Variants in CTNNA2 observed in about 807,000 individuals in gnomAD.
CTNNA2 encodes catenin alpha-2.
In CTNNA2, 42 loss-of-function variants were observed where a neutral mutation model predicts 101.0. The ratio of observed to expected loss-of-function variants is 0.42; its 90% confidence interval spans 0.32 to 0.54. The LOEUF (loss-of-function observed/expected upper bound fraction) is 0.54. Among genes scored for constraint, CTNNA2 ranks in the 20% least tolerant of loss-of-function variants. CTNNA2 has a pLI of 0.14. For synonymous variants in CTNNA2, 450 were observed against 456.4 expected (o/e 0.99, Z 0.18); for missense variants, 871 against 1,223.1 (o/e 0.71, Z 4.29).
At chr2:80,033,519 G>A (rs1240536945) in intron 7 of CTNNA2, among the ~76,000 whole-genome samples, 1 of 152,096 alleles carries the variant, frequency 6.6e-6, no homozygotes, top group Non-Finnish European at 1.5e-5. Flanking sequence ...AGGCTGCAGT[G>A]AGTGACCCGT....
chr2:80,386,970 C>T (rs1408065535), intron 7 of CTNNA2, among the ~76,000 whole-genome samples: 1 of 152,044 alleles, frequency 6.6e-6, no homozygotes, highest in Non-Finnish European at 1.5e-5. Flanking sequence ...TGAGAGACCC[C>T]CCAGAACTGG....
At chr2:80,496,141 T>G (rs750283222) in intron 9 of CTNNA2, among the ~76,000 whole-genome samples, 18 of 152,080 alleles carry the variant, frequency 1.2e-4, no homozygotes, top group Non-Finnish European at 2.5e-4. Context: ...AACATAGTTC[T>G]GATGATAGCT....
At chr2:79,857,936 T>G (rs1040647684) in intron 3 of CTNNA2, 77 bp from the exon 4 acceptor site, 4 of 1,422,644 alleles carry the variant, frequency 2.8e-6, no homozygotes, top group Non-Finnish European at 3.9e-6. Flanking sequence ...ACAGTAATTG[T>G]CCATTCACAG....
At position 80,533,312 on chromosome 2, in the gene CTNNA2, T is replaced by C. The variant is rs577889915; in HGVS notation, c.1291-11670T>C. Among the ~76,000 whole-genome samples, 7 of 152,252 alleles carry C rather than the reference T, an allele frequency of 4.6e-5. No individual in the cohort carries two copies. In the East Asian group the frequency reaches 1.4e-3, roughly 30 times the overall value. ...GAACCTTGGAAGATTGCTAGTTTAA[T>C]TGGCGGAGGCATCCCCTCCGCAAAA... On this transcript the variant is annotated intron_variant, in intron 9 of 18. Transcript: ENST00000402739.
Position 80,303,713 on chromosome 2 carries a change from G to T in CTNNA2, c.1057-89498G>T. 2 of 1,607,762 alleles carry T rather than the reference G, an allele frequency of 1.2e-6. No individual in the cohort carries two copies. Among genetic ancestry groups the T allele is most frequent in the Non-Finnish European group, 1.7e-6 (2 of 1,176,900 alleles). On this transcript the variant is annotated intron_variant, in intron 7 of 18. Transcript: ENST00000402739. This position sits in a 1 kb window ranked among gnomAD's most constrained non-coding sequence, Gnocchi z 7.7. ...CCGGCACAGCTGCGGGCACCCGCTG[G>T]GGGCGGCGGGCAGCATCTGAAAGCA...
In CTNNA2 at chr2:79,411,232, T is replaced by C. The variant is rs186315102; in HGVS notation, c.-135+37219T>C. On this transcript the variant is annotated intron_variant, in intron 4 of 21. Coordinates refer to the CTNNA2 transcript ENST00000466387. ...CTTGCTAGCGGTCTATCAATTTTGA[T>C]GATCCTTTCAAAAAACCAGCTCCTG... Among the ~76,000 whole-genome samples the C allele has an allele frequency of 2.2e-3, 330 of 152,174 alleles. 1 individual carries two copies. The highest frequency in any genetic ancestry group is 7.5e-3 in the African/African-American group (312 of 41,532).
At chr2:79,688,928 T>C (rs761098906) in intron 2 of CTNNA2, among the ~76,000 whole-genome samples, 19 of 152,024 alleles carry the variant, frequency 1.2e-4, no homozygotes, top group Admixed American at 7.9e-4. Context: ...GTGGCTTGTC[T>C]CTGTGCCGTG....
chr2:79,434,326 A>G (rs889141928), intron 4 of CTNNA2, among the ~76,000 whole-genome samples: 1 of 151,840 alleles, frequency 6.6e-6, no homozygotes, highest in Non-Finnish European at 1.5e-5. Flanking sequence ...AAGAAGGAGA[A>G]GAAGAAAAAT....
chr2:80,182,047 G>T (rs1324295585), intron 7 of CTNNA2, among the ~76,000 whole-genome samples: 1 of 152,174 alleles, frequency 6.6e-6, no homozygotes, highest in Non-Finnish European at 1.5e-5. Flanking sequence ...ATATATGAAA[G>T]GGAGTTTATT....
chr2:80,605,490 C>G (rs1697921732), intron 16 of CTNNA2: 1 of 151,880 alleles, frequency 6.6e-6, no homozygotes, highest in African/African-American at 2.4e-5. Context: ...GCATCCTTCT[C>G]CATATATGGC....
intron 4 of CTNNA2, among the ~76,000 whole-genome samples, chr2:79,396,924 G>T (rs2104477151): frequency 6.6e-6 from 1 of 152,184 alleles, no homozygotes; most frequent in East Asian, 1.9e-4. Flanking sequence ...TTATAGCAGT[G>T]GTTCTCAAGC....
chr2:79,325,549 T>A (rs1676727179), intron 3 of CTNNA2, among the ~76,000 whole-genome samples: 1 of 152,190 alleles, frequency 6.6e-6, no homozygotes, highest in African/African-American at 2.4e-5. Context: ...CTGTCCCAGG[T>A]AAAATCAATC....
At chr2:79,371,769 G>A (rs1342157050) in intron 3 of CTNNA2, among the ~76,000 whole-genome samples, 1 of 152,054 alleles carries the variant, frequency 6.6e-6, no homozygotes, top group Non-Finnish European at 1.5e-5. Flanking sequence ...TAGGTCAACT[G>A]GTCACTCTAT....
At chr2:79,310,203 G>A (rs1676335859) in intron 2 of CTNNA2, among the ~76,000 whole-genome samples, 1 of 151,894 alleles carries the variant, frequency 6.6e-6, no homozygotes, top group Admixed American at 6.6e-5. Context: ...CTTTGTTGGG[G>A]GTTTCACTGT....
chr2:80,613,000 G>A (rs896101818), intron 17 of CTNNA2: 4 of 151,446 alleles, frequency 2.6e-5, no homozygotes, highest in Non-Finnish European at 5.9e-5. Context: ...CAAACCTAGA[G>A]AGAGTAAGAT....
At chr2:80,445,745 C>A (rs560350027) in intron 9 of CTNNA2, among the ~76,000 whole-genome samples, 37 of 152,146 alleles carry the variant, frequency 2.4e-4, no homozygotes, top group Non-Finnish European at 4.7e-4. Flanking sequence ...TCAGTGTCAA[C>A]CTTGACCTTA....
At chr2:79,274,459 C>T (rs986507153) in intron 2 of CTNNA2, among the ~76,000 whole-genome samples, 1 of 152,028 alleles carries the variant, frequency 6.6e-6, no homozygotes, top group East Asian at 1.9e-4. Flanking sequence ...TTATTTATTC[C>T]ACAGGAATTC....
intron 7 of CTNNA2, among the ~76,000 whole-genome samples, chr2:80,145,040 A>G (rs1703249525): frequency 6.6e-6 from 1 of 152,196 alleles, no homozygotes; most frequent in African/African-American, 2.4e-5. Flanking sequence ...TTGGTTGAGA[A>G]CCACTGCTCT....
At chr2:79,495,608 C>A (rs950524069) in intron 4 of CTNNA2, among the ~76,000 whole-genome samples, 5 of 152,220 alleles carry the variant, frequency 3.3e-5, no homozygotes, top group Non-Finnish European at 5.9e-5. Flanking sequence ...GGCAATTCCA[C>A]TCTTAGGTGT....
Sources: gnomAD v4.1 joint callset for allele counts (sites outside exome capture counted in the v4.1 genomes callset) on GRCh38, gnomAD v4.1.1 for gene constraint, Gnocchi (gnomAD v3.1) non-coding constraint, MANE v1.5 for transcripts, NCBI Gene and HGNC (gene_info 2026-07-23, HGNC 2026-07-21) for gene names.